Variants in PTPN13 observed in about 807,000 individuals in gnomAD.
The protein encoded by PTPN13 is protein tyrosine phosphatase non-receptor type 13.
PTPN13 carries 191 observed loss-of-function variants against 284.0 expected under a neutral mutation model. That is an observed-to-expected ratio of 0.67 (90% CI 0.60 to 0.76). The LOEUF is 0.76. Among genes scored for constraint, PTPN13 ranks in the 30% least tolerant of loss-of-function variants. PTPN13 has a pLI of 0.00. For missense variants in PTPN13, 2,797 were observed against 2,939.9 expected (o/e 0.95, Z 1.12); for synonymous variants, 986 against 1,022.3 (o/e 0.96, Z 0.68).
intron 3 of PTPN13, among the ~76,000 whole-genome samples, chr4:86,683,360 G>A (rs575946848): frequency 5.3e-4 from 81 of 152,232 alleles, no homozygotes; most frequent in African/African-American, 1.9e-3. Context: ...TCAAAGACTG[G>A]CAGGCTTAAG....
intron 15 of PTPN13, among the ~76,000 whole-genome samples, chr4:86,736,866 A>G (rs1338352985): frequency 6.6e-6 from 1 of 152,174 alleles, no homozygotes; most frequent in African/African-American, 2.4e-5. Flanking sequence ...TACTCCTTCT[A>G]ATAATATATT....
At chr4:86,799,825 CTTTTTTTTTTTT>C (rs925434357) in intron 42 of PTPN13, among the ~76,000 whole-genome samples, 12 of 83,212 alleles carry the variant, frequency 1.4e-4, no homozygotes, top group Non-Finnish European at 2.1e-4. Context: ...TCAAGGGGCA[CTTTTTTTTTTTT>C]TTTTTTTTTT....
chr4:86,785,127 T>C (rs775811259), intron 38 of PTPN13, 104 bp from the exon 39 acceptor site: 175 of 815,400 alleles, frequency 2.1e-4, no homozygotes, highest in Admixed American at 2.1e-3. Flanking sequence ...TAAAATTGGT[T>C]GCTTAAAATT....
At chr4:86,793,171 A>C (rs370019613) in intron 40 of PTPN13, among the ~76,000 whole-genome samples, 1 of 152,222 alleles carries the variant, frequency 6.6e-6, no homozygotes, top group South Asian at 2.1e-4. Flanking sequence ...AAGATCTACC[A>C]AGCCAATGGA....
At chr4:86,803,492 C>T (rs1744285707) in intron 42 of PTPN13, among the ~76,000 whole-genome samples, 1 of 152,064 alleles carries the variant, frequency 6.6e-6, no homozygotes, top group African/African-American at 2.4e-5. Flanking sequence ...ACTTGGGAAA[C>T]TGAGGCAGGA....
chr4:86,642,627 GT>G (rs1202345309), intron 2 of PTPN13, among the ~76,000 whole-genome samples: 1 of 151,120 alleles, frequency 6.6e-6, no homozygotes, highest in African/African-American at 2.4e-5. Flanking sequence ...TAATTTTTTT[GT>G]ATTTTTTGTA....
intron 1 of PTPN13, among the ~76,000 whole-genome samples, chr4:86,617,191 T>C (rs940920881): frequency 3.3e-5 from 5 of 152,162 alleles, no homozygotes; most frequent in Non-Finnish European, 7.4e-5. Flanking sequence ...TACTATCTAA[T>C]GTGGTAGCCA....
In PTPN13 at chr4:86,679,695, T is replaced by C. The variant is rs77736756; in HGVS notation, c.295-7015T>C. On this transcript the variant is annotated intron_variant, in intron 3 of 47. Coordinates refer to ENST00000411767, the MANE Select transcript of PTPN13 (RefSeq NM_080683.3). ...AGGGTTGTGTTGCTAAAAGGAGCTA[T>C]GTAGCACATGTAAAGCAGCTCATAT... 4.9e-3 allele frequency among the ~76,000 whole-genome samples: 751 copies of C among 152,326 alleles called. 11 individuals are homozygous for C. The highest frequency in any genetic ancestry group is 0.017 in the African/African-American group (704 of 41,574).
chr4:86,614,921 G>A (rs1488861869), intron 1 of PTPN13, among the ~76,000 whole-genome samples: 1 of 152,074 alleles, frequency 6.6e-6, no homozygotes, highest in Non-Finnish European at 1.5e-5. Context: ...TACCTAAGAT[G>A]TAATTACTAA....
intron 27 of PTPN13, among the ~76,000 whole-genome samples, chr4:86,766,850 C>T (rs1428738550): frequency 6.6e-6 from 1 of 152,166 alleles, no homozygotes; most frequent in East Asian, 1.9e-4. Context: ...AGCCTTAACA[C>T]AAAATTTATT....
At position 86,774,450 on chromosome 4, in the gene PTPN13, A is replaced by C. The variant is rs1740369554; in HGVS notation, c.5427A>C (p.Arg1809Ser). Residue 1809 changes from arginine (R) to serine (S), a missense_variant, in exon 33 of 48, where the codon AGA becomes AGC. Transcript: ENST00000411767. ...LGFTVTKGNQ[R>S]IGCYVHDVIQ... ...TTACAGTAACCAAAGGCAATCAGAG[A>C]ATTGGTTGTTATGTTCATGATGTCA... is the stretch of plus-strand genomic sequence containing the variant. The C allele has an allele frequency of 6.2e-7, 1 of 1,605,480 alleles. No homozygotes were observed. The highest frequency in any genetic ancestry group is 1.7e-5 in the Admixed American group (1 of 58,890).
At chr4:86,774,091 A>G (rs1057091532) in intron 32 of PTPN13, among the ~76,000 whole-genome samples, 8 of 152,128 alleles carry the variant, frequency 5.3e-5, no homozygotes, top group Non-Finnish European at 1.0e-4. Context: ...TATCCTAAAA[A>G]TATAAGAAAG....
In PTPN13 at chr4:86,785,851, C is replaced by T; in HGVS notation, c.6260C>T (p.Thr2087Ile). The change falls in exon 40 of 48, where the codon ACA (threonine) becomes ATA (isoleucine). Residue 2087 changes from threonine (T) to isoleucine (I), a missense_variant. Physicochemically the swap from Thr to Ile is moderately conservative, Grantham distance 89. Transcript: ENST00000411767. The part of the protein sequence containing the change: ...NAAGYSCGPG[T>I]LKMNGKLSEE... ...GGCCTATATATTCCTCTCTCAGGTA[C>T]ATTAAAGATGAATGGGAAGTTATCA... is the stretch of plus-strand genomic sequence containing the variant. 8 of 1,549,606 alleles carry T rather than the reference C, an allele frequency of 5.2e-6. No homozygotes were observed. Among genetic ancestry groups the T allele is most frequent in the Non-Finnish European group, 7.0e-6 (8 of 1,141,812 alleles).
chr4:86,799,289 C>A, intron 42 of PTPN13, 85 bp downstream of exon 42: 1 of 771,318 alleles, frequency 1.3e-6, no homozygotes, highest in Non-Finnish European at 2.0e-6. Context: ...TATGGATATG[C>A]TGTTTTACCA....
chr4:86,775,801 A>G, intron 35 of PTPN13, 149 bp downstream of exon 35: 1 of 662,224 alleles, frequency 1.5e-6, no homozygotes, highest in Admixed American at 3.0e-5. Flanking sequence ...AGACTTCTTG[A>G]TAGGCGATTT....
At chr4:86,765,360 T>C in intron 25 of PTPN13, 35 bp from the exon 26 acceptor site, 1 of 1,524,000 alleles carries the variant, frequency 6.6e-7, no homozygotes, top group Non-Finnish European at 8.9e-7. Flanking sequence ...AAATTTTTCA[T>C]GTTATAAAAT....
At position 86,750,655 on chromosome 4, in the gene PTPN13, T is replaced by C; in HGVS notation, c.2836T>C (p.Leu946=). ...CTCAGAGCTGTCGCTTTACCAGCCA[T>C]TGCAAAACAGTTCAAAAGAGAAGAA... ...SCSELSLYQP[L]QNSSKEKNDK... The change falls in exon 18 of 48, where the codon TTG becomes CTG. Residue 946 remains leucine, a synonymous_variant. Coordinates refer to ENST00000411767, the MANE Select transcript of PTPN13 (RefSeq NM_080683.3). 2 of 1,613,862 alleles carry C rather than the reference T, an allele frequency of 1.2e-6. No individual in the cohort carries two copies.
At chr4:86,741,923 T>C in intron 16 of PTPN13, 107 bp downstream of exon 16, 1 of 803,718 alleles carries the variant, frequency 1.2e-6, no homozygotes, top group Non-Finnish European at 1.9e-6. Flanking sequence ...GTGGGGATAA[T>C]ACATCTTAAT....
At chr4:86,661,076 C>T (rs1225471838) in intron 2 of PTPN13, 9 of 452,806 alleles carry the variant, frequency 2.0e-5, no homozygotes, top group Admixed American at 9.5e-5. Flanking sequence ...TGAATGTATG[C>T]ACTCATACAA....
Sources: gnomAD v4.1 joint callset for allele counts (sites outside exome capture counted in the v4.1 genomes callset) on GRCh38, gnomAD v4.1.1 for gene constraint, MANE v1.5 for transcripts, NCBI Gene and HGNC (gene_info 2026-07-23, HGNC 2026-07-21) for gene names.